The following LAMA2 variants were observed in gnomAD, a reference collection of about 807,000 sequenced individuals.
LAMA2 encodes the protein laminin subunit alpha 2.
In LAMA2, 269 loss-of-function variants were observed where a neutral mutation model predicts 364.8. The ratio of observed to expected loss-of-function variants is 0.74; its 90% CI spans 0.67 to 0.82. The LOEUF (loss-of-function observed/expected upper bound fraction) is 0.82, where lower values mean the gene tolerates loss of function less well. Among genes scored for constraint, LAMA2 ranks in the 40% least tolerant of loss-of-function variants. LAMA2 has a pLI of 0.00. For synonymous variants in LAMA2, 1,379 were observed against 1,370.6 expected (o/e 1.01, Z -0.14); for missense variants, 3,807 against 3,873.2 (o/e 0.98, Z 0.45).
intron 1 of LAMA2, among the ~76,000 whole-genome samples, chr6:129,016,101 A>G (rs1297913356): frequency 6.6e-6 from 1 of 152,102 alleles, no homozygotes; most frequent in Non-Finnish European, 1.5e-5. Flanking sequence ...TTAAGGTATC[A>G]TCTATGACAA....
Position 129,270,611 on chromosome 6 carries a change from ATTTCT to A in LAMA2, c.2323-10_2323-6del, listed in dbSNP as rs1349078427. 1 of 1,612,728 alleles carries A rather than the reference ATTTCT, an allele frequency of 6.2e-7. No homozygotes were observed. Among genetic ancestry groups the A allele is most frequent in the Non-Finnish European group, 8.5e-7 (1 of 1,179,128 alleles). On this transcript the variant is annotated splice_polypyrimidine_tract_variant and splice_region_variant and intron_variant, in intron 16 of 64. Coordinates refer to ENST00000421865, the MANE Select transcript of LAMA2 (RefSeq NM_000426.4). ...ACCAAAATAATAAACTCTGATGCTC[ATTTCT>A]TTCTCAGAACTGTAAGGATCACACA...
chr6:128,971,472 G>A (rs544991924), intron 1 of LAMA2, among the ~76,000 whole-genome samples: 1 of 152,312 alleles, frequency 6.6e-6, no homozygotes, highest in African/African-American at 2.4e-5. Context: ...ATTGCCAGGT[G>A]AGTGATCAAA....
chr6:128,906,555 G>A (rs1160720083), intron 1 of LAMA2, among the ~76,000 whole-genome samples: 5 of 148,644 alleles, frequency 3.4e-5, no homozygotes, highest in Non-Finnish European at 7.4e-5. Flanking sequence ...AGATGAGTAG[G>A]TTGCGAAAAT....
rs3062342 is a variant in LAMA2 at position 129,314,398 on chromosome 6, C to CAAAAAAAA, written c.3412-243_3412-236dup. ...TGGGCGAAAGAGCGAGACTCCGTCT[C>CAAAAAAAA]AAAAAAAAAAAAAAAAAAAAAGTAC... On this transcript the variant is annotated intron_variant, in intron 23 of 64. Transcript: ENST00000421865. Among the ~76,000 whole-genome samples, 42 of 81,858 alleles carry CAAAAAAAA rather than the reference C, an allele frequency of 5.1e-4. 3 individuals are homozygous for CAAAAAAAA. Among genetic ancestry groups the CAAAAAAAA allele is most frequent in the African/African-American group, 2.0e-3 (37 of 18,190 alleles). The allele number at this position is 81,858 out of a possible 152,430, so 53.7% of individuals were successfully genotyped here.
chr6:129,203,524 A>G (rs1782435216), intron 12 of LAMA2, among the ~76,000 whole-genome samples: 1 of 152,220 alleles, frequency 6.6e-6, no homozygotes, highest in Non-Finnish European at 1.5e-5. Flanking sequence ...GTGAAGACAC[A>G]AGGAGAAGAC....
At position 129,456,384 on chromosome 6, in the gene LAMA2, G is replaced by A; in HGVS notation, c.6757G>A (p.Ala2253Thr). 1 of 1,613,622 alleles carries A rather than the reference G, an allele frequency of 6.2e-7. No homozygotes were observed. Among genetic ancestry groups the A allele is most frequent in the Non-Finnish European group, 8.5e-7 (1 of 1,179,690 alleles). ...ISVRALDGPKASIVPSTHHST... is the reference protein window; with the variant it reads ...ISVRALDGPKTSIVPSTHHST... ...TGTGAGAGCCCTGGATGGACCCAAA[G>A]CCAGCATTGTGCCCAGCACACACCA... The change falls in exon 48 of 65, where the codon GCC becomes ACC. Residue 2253 changes from alanine (A) to threonine (T), a missense_variant. Coordinates refer to ENST00000421865, the MANE Select transcript of LAMA2 (RefSeq NM_000426.4).
At chr6:129,475,284 T>G in intron 52 of LAMA2, 106 bp from the exon 53 acceptor site, 2 of 732,360 alleles carry the variant, frequency 2.7e-6, no homozygotes, top group Non-Finnish European at 4.4e-6. Flanking sequence ...GTGAAATGAT[T>G]TTTTAAAGAT....
chr6:129,370,045 G>C (rs1777987058), intron 34 of LAMA2, 55 bp downstream of exon 34: 12 of 1,394,728 alleles, frequency 8.6e-6, no homozygotes, highest in Non-Finnish European at 1.2e-5. Flanking sequence ...GTCAATGAAG[G>C]AAAATTACTT....
At chr6:128,921,697 GT>G (rs547882651) in intron 1 of LAMA2, among the ~76,000 whole-genome samples, 7,236 of 117,968 alleles carry the variant, frequency 0.061, 286 homozygotes, top group African/African-American at 0.15. Flanking sequence ...ATGAATGTCT[GT>G]TTTTTTTTTT....
At chr6:129,099,549 A>G (rs965927047) in intron 4 of LAMA2, among the ~76,000 whole-genome samples, 7 of 152,042 alleles carry the variant, frequency 4.6e-5, no homozygotes, top group Non-Finnish European at 8.8e-5. Context: ...CATGTCTGAT[A>G]TTCTCTCCCA....
intron 12 of LAMA2, among the ~76,000 whole-genome samples, chr6:129,205,478 GTA>G (rs749614184): frequency 0.016 from 1,845 of 116,338 alleles, 42 homozygotes; most frequent in South Asian, 0.03. Flanking sequence ...TATTCTGTAA[GTA>G]TATATATATA....
At chr6:128,938,442 C>T (rs184714399) in intron 1 of LAMA2, among the ~76,000 whole-genome samples, 7 of 152,010 alleles carry the variant, frequency 4.6e-5, no homozygotes, top group South Asian at 4.2e-4. Context: ...TTTTATTGTC[C>T]GATGTTTTAG....
At chr6:129,151,938 T>C (rs1778828319) in intron 7 of LAMA2, among the ~76,000 whole-genome samples, 1 of 152,206 alleles carries the variant, frequency 6.6e-6, no homozygotes, top group Non-Finnish European at 1.5e-5. Flanking sequence ...TTACAATGCC[T>C]AGTGATTTGT....
chr6:129,282,532 G>A (rs1321564728), intron 18 of LAMA2, among the ~76,000 whole-genome samples: 2 of 152,104 alleles, frequency 1.3e-5, no homozygotes, highest in African/African-American at 4.8e-5. Context: ...ATATGCAAGG[G>A]TAGAGGGGAG....
At chr6:129,362,535 G>A (rs1562494115) in intron 32 of LAMA2, among the ~76,000 whole-genome samples, 1 of 152,130 alleles carries the variant, frequency 6.6e-6, no homozygotes, top group African/African-American at 2.4e-5. Context: ...TGTCCAAAGT[G>A]TTTTGATACC....
intron 31 of LAMA2, among the ~76,000 whole-genome samples, chr6:129,351,135 A>T (rs1235400360): frequency 2.6e-5 from 4 of 152,180 alleles, no homozygotes; most frequent in Non-Finnish European, 5.9e-5. Flanking sequence ...CACCAGTAGG[A>T]TGGTGACTAA....
At chr6:129,021,929 G>A (rs1298181031) in intron 1 of LAMA2, among the ~76,000 whole-genome samples, 1 of 152,190 alleles carries the variant, frequency 6.6e-6, no homozygotes, top group Non-Finnish European at 1.5e-5. Context: ...AGTAGGCCAT[G>A]GACCAAAAGT....
chr6:128,916,571 A>G (rs1778330169), intron 1 of LAMA2, among the ~76,000 whole-genome samples: 1 of 152,158 alleles, frequency 6.6e-6, no homozygotes, highest in Admixed American at 6.5e-5. Flanking sequence ...TTCCTTCTGT[A>G]GTGATTGCTT....
At chr6:128,962,068 T>C (rs1345691953) in intron 1 of LAMA2, among the ~76,000 whole-genome samples, 3 of 143,892 alleles carry the variant, frequency 2.1e-5, no homozygotes, top group Non-Finnish European at 4.5e-5. Flanking sequence ...CTAGTACCAC[T>C]CACTCCATCC....
Sources: gnomAD v4.1 joint callset for allele counts (sites outside exome capture counted in the v4.1 genomes callset) on GRCh38, gnomAD v4.1.1 for gene constraint, MANE v1.5 for transcripts, NCBI Gene and HGNC (gene_info 2026-07-23, HGNC 2026-07-21) for gene names.